Variants in MYO10 observed in about 807,000 individuals in gnomAD.
MYO10 encodes the protein unconventional myosin-X.
Under a neutral mutation model 257.3 loss-of-function variants are expected in MYO10, and 133 were observed. The observed-to-expected ratio is 0.52, with a 90% CI of 0.45 to 0.60. The LOEUF (loss-of-function observed/expected upper bound fraction) is 0.60. Ranked by LOEUF, MYO10 falls within the 20% of genes least tolerant of loss-of-function variation. MYO10 has a pLI of 0.00. For synonymous variants in MYO10, 1,104 were observed against 1,028.6 expected (o/e 1.07, Z -1.40); for missense variants, 2,399 against 2,635.7 (o/e 0.91, Z 1.97).
At chr5:16,716,012 C>T (rs1738853971) in intron 19 of MYO10, among the ~76,000 whole-genome samples, 2 of 149,902 alleles carry the variant, frequency 1.3e-5, no homozygotes. Context: ...GCTGAGATCG[C>T]ACCACTGCAC....
chr5:16,925,422 C>T (rs907215466), intron 1 of MYO10, among the ~76,000 whole-genome samples: 2 of 152,246 alleles, frequency 1.3e-5, no homozygotes, highest in East Asian at 1.9e-4. Flanking sequence ...ACACGCATTA[C>T]GGTATACTCC....
At chr5:16,896,462 A>G (rs1011227501) in intron 1 of MYO10, among the ~76,000 whole-genome samples, 14 of 152,142 alleles carry the variant, frequency 9.2e-5, no homozygotes, top group Admixed American at 3.3e-4. Context: ...TGGGCATGGT[A>G]GCACATGCCT....
Position 16,758,235 on chromosome 5 carries a change from G to A in MYO10, c.1740-9C>T. 6.3e-7 allele frequency: 1 copy of A among 1,576,194 alleles called. No homozygotes were observed. Reference sequence around the variant, plus strand: ...CGTAGATAAAGTCAAATCTGTGTGAGGCAAGAGCAGGAGGTCAGTGAGGCA... The same window carrying A: ...CGTAGATAAAGTCAAATCTGTGTGAAGCAAGAGCAGGAGGTCAGTGAGGCA... On this transcript the variant is annotated splice_polypyrimidine_tract_variant and intron_variant, in intron 17 of 40. Transcript: ENST00000513610.
intron 9 of MYO10, among the ~76,000 whole-genome samples, chr5:16,775,586 C>A (rs563517090): frequency 1.9e-4 from 27 of 144,476 alleles, no homozygotes; most frequent in Middle Eastern, 3.5e-3. Context: ...AATGCCTGGC[C>A]AATTTTGTTT....
Position 16,701,054 on chromosome 5 carries a change from C to T in MYO10, c.3341G>A (p.Gly1114Asp). The part of the protein sequence containing the change: ...GSSVTFSNSY[G>D]SQWSPDYRCS... ...GCGGTAGTCGGGGGACCACTGGCTG[C>T]CGTAGGAGTTGGAGAAGGTCACGCT... Residue 1114 changes from glycine to aspartate, a missense_variant, in exon 25 of 41, where the codon GGC becomes GAC. Physicochemically the swap from Gly to Asp is moderately conservative, Grantham distance 94 (BLOSUM62 -1). Coordinates refer to ENST00000513610, the MANE Select transcript of MYO10 (RefSeq NM_012334.3). The surrounding 1 kb of genome is among the most constrained non-coding windows in gnomAD (Gnocchi z 8.1). 1 of 1,567,584 alleles carries T rather than the reference C, an allele frequency of 6.4e-7. No individual in the cohort carries two copies. Among genetic ancestry groups the T allele is most frequent in the Non-Finnish European group, 8.6e-7 (1 of 1,156,834 alleles).
rs758376408 is a variant in MYO10 at position 16,701,284 on chromosome 5, G to A, written c.3111C>T (p.Asn1037=). The change falls in exon 25 of 41, where the codon AAC becomes AAT. Residue 1037 remains asparagine (N), a synonymous_variant. Transcript: ENST00000513610. This position sits in a 1 kb window ranked among gnomAD's most constrained non-coding sequence, Gnocchi z 8.1. ...DDSSEEDPYM[N]DTVVPTSPSA... is the part of the protein sequence containing the mutation. ...TGGGGCTGGTGGGCACCACCGTGTC[G>A]TTCATGTATGGGTCCTCCTCTGAAG... 5.6e-6 allele frequency: 9 copies of A among 1,613,850 alleles called. No homozygotes were observed. Among genetic ancestry groups the A allele is most frequent in the South Asian group, 4.4e-5 (4 of 91,032 alleles).
intron 10 of MYO10, among the ~76,000 whole-genome samples, chr5:16,768,664 CTTTTTTTTTTTTTTT>C (rs34950225): frequency 1.4e-5 from 1 of 70,140 alleles, no homozygotes; most frequent in South Asian, 7.3e-4. Flanking sequence ...TTTCTCTTTT[CTTTTTTTTTTTTTTT>C]TTTTTTTTTT....
rs1289669748 is a variant in MYO10 at position 16,663,184 on chromosome 5, ATATG to A, written c.*3504_*3507del. The A allele has an allele frequency of 5.3e-5, 8 of 152,248 alleles. No individual in the cohort carries two copies. The East Asian group carries it at 1.2e-3, about 22-fold the overall frequency. The allele number at this position is 152,248 out of a possible 1,614,324, so 9.4% of individuals were successfully genotyped here. A position where few individuals can be genotyped will look rare whatever the true frequency, so the allele number is the denominator to read the frequency against. ...CTATTAAAAATGAGGATGGGGATATATATGTATGTATGAGTAAATGATTGGACAG... is the reference window on the plus strand; with the variant it reads ...CTATTAAAAATGAGGATGGGGATATATATGTATGAGTAAATGATTGGACAG... On this transcript the variant is annotated 3_prime_UTR_variant, in exon 41 of 41. Coordinates refer to ENST00000513610, the MANE Select transcript of MYO10 (RefSeq NM_012334.3).
intron 17 of MYO10, among the ~76,000 whole-genome samples, chr5:16,760,488 A>C (rs1169484282): frequency 1.3e-5 from 2 of 151,736 alleles, no homozygotes; most frequent in Admixed American, 6.6e-5. Context: ...CCAAAAAAAA[A>C]CCAAAAAGGA....
At chr5:16,890,408 A>G (rs888689382) in intron 1 of MYO10, among the ~76,000 whole-genome samples, 1 of 151,904 alleles carries the variant, frequency 6.6e-6, no homozygotes, top group Non-Finnish European at 1.5e-5. Context: ...ACGTGAAAAC[A>G]TATGTCCACA....
intron 19 of MYO10, among the ~76,000 whole-genome samples, chr5:16,751,550 C>A (rs1318775641): frequency 6.6e-6 from 1 of 152,048 alleles, no homozygotes; most frequent in Non-Finnish European, 1.5e-5. Context: ...GTCGTGATCT[C>A]AGCTCATGGC....
chr5:16,890,992 C>G lies in MYO10; in HGVS notation c.22-13285G>C, dbSNP rs545509497. 8.6e-5 allele frequency among the ~76,000 whole-genome samples: 13 copies of G among 151,526 alleles called. No homozygotes were observed. The South Asian group carries it at 2.7e-3, about 32-fold the overall frequency. On this transcript the variant is annotated intron_variant, in intron 1 of 40. Transcript: ENST00000513610. ...TATGAAGAAGTTAAATCCATAGAGA[C>G]AGAAAGTTGGTCAGGCACGGTGGCT...
At chr5:16,698,623 G>GT (rs5866202) in intron 26 of MYO10, among the ~76,000 whole-genome samples, 10,221 of 113,768 alleles carry the variant, frequency 0.09, 771 homozygotes, top group Non-Finnish European at 0.12. Context: ...AGAACATGCA[G>GT]TTTTTTTTTT....
intron 38 of MYO10, among the ~76,000 whole-genome samples, chr5:16,671,196 T>C (rs1736442905): frequency 6.6e-6 from 1 of 152,214 alleles, no homozygotes; most frequent in African/African-American, 2.4e-5. Flanking sequence ...TTATTCCTTG[T>C]GCTCTCTCTC....
intron 1 of MYO10, among the ~76,000 whole-genome samples, chr5:16,883,884 G>A (rs1472745563): frequency 1.3e-5 from 2 of 152,174 alleles, no homozygotes; most frequent in Non-Finnish European, 1.5e-5. Flanking sequence ...ATACCATTCT[G>A]TACAGCATGT....
At chr5:16,846,240 C>T (rs1431336321) in intron 2 of MYO10, among the ~76,000 whole-genome samples, 1 of 152,208 alleles carries the variant, frequency 6.6e-6, no homozygotes, top group Non-Finnish European at 1.5e-5. Context: ...TATAACACTA[C>T]CGTCTCTAAG....
chr5:16,794,606 T>C (rs1317223905), intron 4 of MYO10, 40 bp downstream of exon 4: 3 of 1,565,826 alleles, frequency 1.9e-6, no homozygotes, highest in East Asian at 4.6e-5. Flanking sequence ...GAGGGACTCC[T>C]GGGCCATGGG....
chr5:16,810,502 C>T (rs1742403649), intron 3 of MYO10, among the ~76,000 whole-genome samples: 1 of 152,176 alleles, frequency 6.6e-6, no homozygotes, highest in African/African-American at 2.4e-5. Context: ...TTTCAGAAAC[C>T]TTTAAACAGA....
At chr5:16,758,990 C>T (rs945926740) in intron 17 of MYO10, among the ~76,000 whole-genome samples, 10 of 151,730 alleles carry the variant, frequency 6.6e-5, no homozygotes, top group African/African-American at 2.4e-4. Flanking sequence ...GGTGCGATCT[C>T]GGCTCACTGC....
Sources: allele counts gnomAD v4.1 joint callset (sites outside exome capture counted in the v4.1 genomes callset), GRCh38; gene constraint gnomAD v4.1.1; non-coding constraint Gnocchi (gnomAD v3.1); transcripts MANE v1.5; gene names NCBI Gene and HGNC (gene_info 2026-07-23, HGNC 2026-07-21).